EVI5L: variants seen among roughly 807,000 people sequenced by gnomAD.
EVI5L encodes ecotropic viral integration site 5 like.
In EVI5L, 30 loss-of-function variants were observed where a neutral mutation model predicts 106.1. That is an observed-to-expected ratio of 0.28 (90% CI 0.21 to 0.38). The LOEUF (loss-of-function observed/expected upper bound fraction) is 0.38. EVI5L is among the 10% of genes least tolerant of loss of function. The pLI, the probability that EVI5L is intolerant of heterozygous loss-of-function variation, is 1.00. For synonymous variants in EVI5L, 489 were observed against 483.3 expected (o/e 1.01, Z -0.15); for missense variants, 809 against 1,098.0 (o/e 0.74, Z 3.72).
chr19:7,853,890 C>A (rs939050055), intron 10 of EVI5L, among the ~76,000 whole-genome samples: 1 of 152,202 alleles, frequency 6.6e-6, no homozygotes, highest in Non-Finnish European at 1.5e-5. Flanking sequence ...AACTGGCCCA[C>A]CAGCCCTGCC....
chr19:7,847,682 C>G, intron 2 of EVI5L, 50 bp from the exon 3 acceptor site: 2 of 1,585,220 alleles, frequency 1.3e-6, no homozygotes, highest in Non-Finnish European at 1.7e-6. Flanking sequence ...GCCAAGGATC[C>G]CTGTCCCCAG....
chr19:7,842,680 G>A (rs1209539560), intron 1 of EVI5L, among the ~76,000 whole-genome samples: 1 of 151,980 alleles, frequency 6.6e-6, no homozygotes, highest in Non-Finnish European at 1.5e-5. Context: ...GCATGGATGT[G>A]TGTGCAAATT....
chr19:7,861,960 C>T lies in EVI5L; in HGVS notation c.1586C>T (p.Ala529Val), dbSNP rs751168798. Residue 529 changes from alanine to valine, a missense_variant, in exon 15 of 20, where the codon GCG (alanine) becomes GTG (valine). This residue lies in a region of EVI5L where 452 missense variants were observed against 509.9 expected (regional missense o/e 0.89). Coordinates refer to ENST00000538904, the MANE Select transcript of EVI5L (RefSeq NM_001159944.3). The stretch of plus-strand genomic sequence containing the variant: ...GCGCTCAAGGTGCGGGAAGGCCAGG[C>T]GGTGGCCTCGACGCGAGAGCTTAAA... ...LKALKVREGQ[A>V]VASTRELKLQ... 3 of 1,549,922 alleles carry T rather than the reference C, an allele frequency of 1.9e-6. No individual in the cohort carries two copies. The highest frequency in any genetic ancestry group is 2.6e-6 in the Non-Finnish European group (3 of 1,146,836).
chr19:7,862,743 C>A (rs1196518207), intron 17 of EVI5L, among the ~76,000 whole-genome samples: 25 of 128,970 alleles, frequency 1.9e-4, no homozygotes, highest in African/African-American at 4.5e-4. Context: ...CCTGACCACC[C>A]CCCCCCGCGG....
chr19:7,840,960 G>T (rs562941385), intron 1 of EVI5L, among the ~76,000 whole-genome samples: 1 of 152,194 alleles, frequency 6.6e-6, no homozygotes, highest in Non-Finnish European at 1.5e-5. Context: ...TGAGCCCTAC[G>T]AGTGGATTTG....
intron 8 of EVI5L, 44 bp from the exon 9 acceptor site, chr19:7,853,042 G>A (rs1326579413): frequency 6.2e-7 from 1 of 1,609,902 alleles, no homozygotes; most frequent in Non-Finnish European, 8.5e-7. Context: ...CCGGTGGTCA[G>A]GGCCTGCATG....
At position 7,849,268 on chromosome 19, in the gene EVI5L, G is replaced by T; in HGVS notation, c.565G>T (p.Val189Leu). The change falls in exon 5 of 20, where the codon GTA becomes TTA. Residue 189 changes from valine (V) to leucine (L), a missense_variant. Val to Leu is a conservative substitution (Grantham distance 32, BLOSUM62 1). Coordinates refer to ENST00000538904, the MANE Select transcript of EVI5L (RefSeq NM_001159944.3). ...TGTTCCCTTCTAGGCATACTCGCTG[G>T]TAGACCGGGAGGTGGGCTACTGCCA... ...LFNVMKAYSL[V>L]DREVGYCQGS... 6.2e-7 allele frequency: 1 copy of T among 1,614,180 alleles called. No homozygotes were observed. The highest frequency in any genetic ancestry group is 8.5e-7 in the Non-Finnish European group (1 of 1,180,042).
intron 14 of EVI5L, 56 bp downstream of exon 14, chr19:7,860,745 G>T: frequency 6.6e-7 from 1 of 1,505,814 alleles, no homozygotes. Context: ...CACAGGAGGG[G>T]TCCTGGATAA....
In EVI5L at chr19:7,851,727, AC is replaced by A; in HGVS notation, c.946del (p.Gln316ArgfsTer4). 1 of 1,542,180 alleles carries A rather than the reference AC, an allele frequency of 6.5e-7. No individual in the cohort carries two copies. The highest frequency in any genetic ancestry group is 1.3e-5 in the South Asian group (1 of 79,810). On this transcript the variant is annotated frameshift_variant, in exon 8 of 20. Coordinates refer to ENST00000538904, the MANE Select transcript of EVI5L (RefSeq NM_001159944.3). LOFTEE classifies it high-confidence loss of function. ...FRVGLALLQV[N>X]QAELMQLDME... The stretch of plus-strand genomic sequence containing the variant: ...GTGGGCCTCGCCCTGCTGCAGGTGA[AC>A]CAGGCAGAGCTGATGCAGCTGGACA...
intron 1 of EVI5L, among the ~76,000 whole-genome samples, chr19:7,834,378 G>T (rs1430528766): frequency 1.3e-5 from 2 of 152,088 alleles, no homozygotes; most frequent in East Asian, 3.9e-4. Context: ...TGAGGGTTTT[G>T]CCAGAAGGGA....
Position 7,863,784 on chromosome 19 carries a change from C to G in EVI5L, c.*82C>G. 1 of 1,409,922 alleles carries G rather than the reference C, an allele frequency of 7.1e-7. No individual in the cohort carries two copies. Among genetic ancestry groups the G allele is most frequent in the East Asian group, 2.7e-5 (1 of 37,158 alleles). The allele number at this position is 1,409,922 out of a possible 1,614,324, so 87.3% of individuals were successfully genotyped here. On this transcript the variant is annotated 3_prime_UTR_variant, in exon 20 of 20. Transcript: ENST00000538904. This position sits in a 1 kb window ranked among gnomAD's most constrained non-coding sequence, Gnocchi z 7.7. ...AGTCCGCGTTCTGCTCCCCACCTGC[C>G]GCACTTGACAAACTACGCGCCCTCT...
At chr19:7,861,774 C>G in intron 14 of EVI5L, 104 bp from the exon 15 acceptor site, 1 of 1,457,848 alleles carries the variant, frequency 6.9e-7, no homozygotes, top group Non-Finnish European at 9.2e-7. Context: ...TCTGAGCCGC[C>G]CAAGGCAGAG....
intron 1 of EVI5L, among the ~76,000 whole-genome samples, chr19:7,836,430 C>T (rs566479358): frequency 1.3e-5 from 2 of 152,100 alleles, no homozygotes; most frequent in Non-Finnish European, 2.9e-5. Context: ...GTTTCACATA[C>T]GTGTATCATT....
At chr19:7,846,435 GGGCA>G in intron 1 of EVI5L, 57 bp from the exon 2 acceptor site, 1 of 1,421,870 alleles carries the variant, frequency 7.0e-7, no homozygotes, top group Non-Finnish European at 9.4e-7. Flanking sequence ...TCCCGAGGGT[GGGCA>G]GGCAGGATGG....
At chr19:7,851,909 C>A in intron 8 of EVI5L, 139 bp downstream of exon 8, 2 of 740,462 alleles carry the variant, frequency 2.7e-6, no homozygotes, top group East Asian at 3.3e-5. Context: ...CTGTTCCCAT[C>A]CACTCTGTTC....
chr19:7,859,759 CAAGGCCACCTCCTCAGGCCCAAAGG>C (rs1179383281), intron 13 of EVI5L, among the ~76,000 whole-genome samples: 1 of 152,244 alleles, frequency 6.6e-6, no homozygotes, highest in African/African-American at 2.4e-5. Flanking sequence ...CGGGGAGGCC[CAAGGCCACCTCCTCAGGCCCAAAGG>C]GAGGCCACTG....
chr19:7,847,681 C>T (rs1210330106), intron 2 of EVI5L, 51 bp from the exon 3 acceptor site: 3 of 1,584,282 alleles, frequency 1.9e-6, no homozygotes, highest in African/African-American at 1.4e-5. Flanking sequence ...CGCCAAGGAT[C>T]CCTGTCCCCA....
rs200789450 is a variant in EVI5L, at chr19:7,850,134, C to T, written c.753+12C>T. The T allele has an allele frequency of 3.8e-6, 6 of 1,598,072 alleles. No homozygotes were observed. Among genetic ancestry groups the T allele is most frequent in the South Asian group, 1.1e-5 (1 of 88,452 alleles). On this transcript the variant is annotated intron_variant, in intron 6 of 19. Transcript: ENST00000538904. The surrounding 1 kb of genome is among the most constrained non-coding windows in gnomAD (Gnocchi z 5.4). Reference sequence around the variant, plus strand: ...AGTACATGCTGCAGGTGAGCAGGGCCGCAGGAGAGCAGGGCTGCAGGAGGG... The same window carrying T: ...AGTACATGCTGCAGGTGAGCAGGGCTGCAGGAGAGCAGGGCTGCAGGAGGG...
In EVI5L at chr19:7,862,502, A is replaced by T; in HGVS notation, c.1915A>T (p.Ser639Cys). ...NKGLQTQLSESRRKQAEAECK... is the reference protein window; with the variant it reads ...NKGLQTQLSECRRKQAEAECK... The stretch of plus-strand genomic sequence containing the variant: ...GGGGCTGCAGACGCAGCTCAGCGAA[A>T]GCCGCCGCAAGCAGGCCGAGGCCGA... The change falls in exon 17 of 20, where the codon AGC becomes TGC. Residue 639 changes from serine (S) to cysteine (C), a missense_variant. By Grantham distance (112) the Ser-to-Cys change is moderately radical. Transcript: ENST00000538904. 6.4e-7 allele frequency: 1 copy of T among 1,564,608 alleles called. No individual in the cohort carries two copies. Among genetic ancestry groups the T allele is most frequent in the Non-Finnish European group, 8.6e-7 (1 of 1,156,406 alleles).
Sources: gnomAD v4.1 joint callset for allele counts (sites outside exome capture counted in the v4.1 genomes callset) on GRCh38, gnomAD v4.1.1 for gene constraint, gnomAD v4.1.1 regional missense constraint, Gnocchi (gnomAD v3.1) non-coding constraint, MANE v1.5 for transcripts, NCBI Gene and HGNC (gene_info 2026-07-23, HGNC 2026-07-21) for gene names.